GPAM: variants seen among roughly 807,000 people sequenced by gnomAD.
GPAM encodes glycerol-3-phosphate acyltransferase 1, mitochondrial.
Under a neutral mutation model 105.0 loss-of-function variants are expected in GPAM, and 56 were observed. The observed-to-expected ratio is 0.53, with a 90% CI of 0.43 to 0.67. The LOEUF (loss-of-function observed/expected upper bound fraction) is 0.67, where lower values mean the gene tolerates loss of function less well. Among genes scored for constraint, GPAM ranks in the 30% least tolerant of loss-of-function variants. GPAM has a pLI of 0.00. For missense variants in GPAM, 855 were observed against 989.8 expected, an observed-to-expected ratio of 0.86 and a Z score of 1.83; for synonymous variants, 368 against 354.4, an observed-to-expected ratio of 1.04 and a Z score of -0.43.
At chr10:112,175,990 G>A (rs545535142) in intron 5 of GPAM, among the ~76,000 whole-genome samples, 1 of 152,184 alleles carries the variant, frequency 6.6e-6, no homozygotes, top group African/African-American at 2.4e-5. Flanking sequence ...AAAGAAATAA[G>A]AACATCTGGC....
rs1006350352 is a variant in GPAM, at chr10:112,198,585, G to C, written n.211-15694C>G. ...CCCAGATTAAGAATCAGTGTTTGCA[G>C]TACAGCTATTATGGAAAACAGTATG... On this transcript the variant is annotated intron_variant and non_coding_transcript_variant, in intron 1 of 3. Coordinates refer to the GPAM transcript ENST00000480130. 2.6e-5 allele frequency among the ~76,000 whole-genome samples: 4 copies of C among 152,272 alleles called. No individual in the cohort carries two copies. The East Asian group carries it at 7.7e-4, about 29-fold the overall frequency.
At position 112,157,243 on chromosome 10, in the gene GPAM, A is replaced by G. The variant is rs774363422; in HGVS notation, c.2121+6T>C. ...TAATATCCACCAGAATTCTTCACCC[A>G]AGTACCTTCAGGTAGCAATCTCGCT... On this transcript the variant is annotated splice_donor_region_variant and intron_variant, in intron 19 of 21. Coordinates refer to ENST00000348367, the MANE Select transcript of GPAM (RefSeq NM_001244949.2). The G allele has an allele frequency of 2.5e-6, 4 of 1,612,304 alleles. No individual in the cohort carries two copies. The highest frequency in any genetic ancestry group is 3.4e-6 in the Non-Finnish European group (4 of 1,178,392).
intron 1 of GPAM, among the ~76,000 whole-genome samples, chr10:112,200,003 G>C (rs1847774424): frequency 6.9e-6 from 1 of 145,080 alleles, no homozygotes; most frequent in South Asian, 2.1e-4. Flanking sequence ...ATATACAATT[G>C]TTGTCAACTA....
chr10:112,155,663 G>A (rs1311315937), intron 20 of GPAM: 9 of 485,904 alleles, frequency 1.9e-5, no homozygotes, highest in Non-Finnish European at 2.6e-5. Flanking sequence ...CAAAAATAAC[G>A]TTACGTGAAA....
In GPAM at chr10:112,172,997, T is replaced by C. The variant is rs371963874; in HGVS notation, c.630A>G (p.Gln210=). ...CAGTTGCAGCTTTAACCATCTCAAGTTGACCTTTGTGAATTTGAATGTTCC... is the reference window on the plus strand; with the variant it reads ...CAGTTGCAGCTTTAACCATCTCAAGCTGACCTTTGTGAATTTGAATGTTCC... ...FFWNIQIHKG[Q]LEMVKAATET... Residue 210 remains glutamine (Q), a synonymous_variant, in exon 8 of 22, where the codon CAA becomes CAG. Transcript: ENST00000348367. 5.6e-6 allele frequency: 9 copies of C among 1,603,626 alleles called. No homozygotes were observed. Among genetic ancestry groups the C allele is most frequent in the Non-Finnish European group, 6.8e-6 (8 of 1,170,638 alleles).
intron 14 of GPAM, among the ~76,000 whole-genome samples, chr10:112,163,129 T>C (rs891279066): frequency 2.6e-5 from 4 of 152,220 alleles, no homozygotes; most frequent in African/African-American, 9.6e-5. Flanking sequence ...ATTGTACAGC[T>C]TGGAACTTAA....
intron 1 of GPAM, among the ~76,000 whole-genome samples, chr10:112,205,594 C>T (rs1336480534): frequency 5.0e-4 from 2 of 3,994 alleles, no homozygotes; most frequent in Non-Finnish European, 6.9e-4. Context: ...ATAAATGTTG[C>T]TGGGAAAACT....
At chr10:112,168,548 A>G (rs1476256476) in intron 10 of GPAM, 24 bp from the exon 11 acceptor site, 14 of 1,454,672 alleles carry the variant, frequency 9.6e-6, no homozygotes, top group Non-Finnish European at 1.4e-5. Flanking sequence ...AGAAAGTAAA[A>G]CATACATTCA....
chr10:112,184,167 G>T (rs1847561717), upstream of GPAM, among the ~76,000 whole-genome samples: 2 of 152,248 alleles, frequency 1.3e-5, no homozygotes, highest in African/African-American at 4.8e-5. Context: ...GCCATGTTGT[G>T]TAATTTCTAC....
intron 9 of GPAM, among the ~76,000 whole-genome samples, chr10:112,170,928 T>C (rs756215635): frequency 1.2e-4 from 18 of 152,194 alleles, no homozygotes; most frequent in Non-Finnish European, 1.6e-4. Flanking sequence ...TGAAAGCCTA[T>C]AGAACTCTGA....
chr10:112,216,990 C>T (rs1203344376), upstream of GPAM, among the ~76,000 whole-genome samples: 3 of 151,922 alleles, frequency 2.0e-5, no homozygotes, highest in Non-Finnish European at 2.9e-5. Flanking sequence ...TGATATATAA[C>T]GTCTCATTGA....
chr10:112,177,702 C>T (rs1359126792), intron 5 of GPAM, among the ~76,000 whole-genome samples: 2 of 152,080 alleles, frequency 1.3e-5, no homozygotes, highest in African/African-American at 4.8e-5. Flanking sequence ...CAAATATTTC[C>T]CACATTTTGG....
At chr10:112,187,721 T>C (rs542415212), upstream of GPAM, among the ~76,000 whole-genome samples, 1 of 152,266 alleles carries the variant, frequency 6.6e-6, no homozygotes, top group African/African-American at 2.4e-5. Context: ...CTAATTGACA[T>C]TTATAGAACA....
intron 4 of GPAM, among the ~76,000 whole-genome samples, chr10:112,179,124 G>A (rs1021883812): frequency 4.6e-5 from 7 of 152,118 alleles, no homozygotes; most frequent in South Asian, 4.1e-4. Context: ...ATATTATACA[G>A]TTACCAATAA....
chr10:112,202,524 C>T (rs1189271628), intron 1 of GPAM, among the ~76,000 whole-genome samples: 1 of 152,130 alleles, frequency 6.6e-6, no homozygotes, highest in Non-Finnish European at 1.5e-5. Flanking sequence ...AATTATGACT[C>T]CAAACCTTTT....
At chr10:112,195,768 T>A (rs1847716449) in intron 1 of GPAM, among the ~76,000 whole-genome samples, 1 of 152,198 alleles carries the variant, frequency 6.6e-6, no homozygotes, top group Non-Finnish European at 1.5e-5. Flanking sequence ...GTACAAGACA[T>A]GATTAGCTAC....
At position 112,168,291 on chromosome 10, in the gene GPAM, CTT is replaced by C; in HGVS notation, c.1107+19_1107+20del. The stretch of plus-strand genomic sequence containing the variant: ...TAAAAGACTTGATAAGCAAAGAAAA[CTT>C]TTGTGTAGGTACCCTTACCAGTTGT... On this transcript the variant is annotated intron_variant, in intron 11 of 21. Coordinates refer to ENST00000348367, the MANE Select transcript of GPAM (RefSeq NM_001244949.2). The C allele has an allele frequency of 7.2e-7, 1 of 1,387,220 alleles. No homozygotes were observed. The highest frequency in any genetic ancestry group is 1.2e-5 in the South Asian group (1 of 86,600). The allele number at this position is 1,387,220 out of a possible 1,614,324, so 85.9% of individuals were successfully genotyped here. A position where few individuals can be genotyped will look rare whatever the true frequency, so the allele number is the denominator to read the frequency against.
chr10:112,153,374 G>A lies in GPAM; in HGVS notation c.*176C>T. 1.3e-6 allele frequency: 2 copies of A among 1,546,040 alleles called. No individual in the cohort carries two copies. The highest frequency in any genetic ancestry group is 3.6e-5 in the Admixed American group (2 of 55,210). On this transcript the variant is annotated 3_prime_UTR_variant, in exon 22 of 22. Transcript: ENST00000348367. ...GTTATCTGCAGGCTGCTGTGTTGAT[G>A]CAGAGCTGGGAAGATCACAGATCCA... is the stretch of plus-strand genomic sequence containing the variant.
intron 8 of GPAM, among the ~76,000 whole-genome samples, chr10:112,172,677 A>G (rs965496868): frequency 2.0e-5 from 3 of 152,134 alleles, no homozygotes; most frequent in East Asian, 3.9e-4. Context: ...GAGACAACCT[A>G]TTTATCTATC....
Sources: allele counts gnomAD v4.1 joint callset (sites outside exome capture counted in the v4.1 genomes callset), GRCh38; gene constraint gnomAD v4.1.1; transcripts MANE v1.5; gene names NCBI Gene and HGNC (gene_info 2026-07-23, HGNC 2026-07-21).